FRMD4A: variants seen among roughly 807,000 people sequenced by gnomAD.
The protein encoded by FRMD4A is FERM domain-containing protein 4A.
In FRMD4A, 29 loss-of-function variants were observed where a neutral mutation model predicts 129.1. The observed-to-expected ratio is 0.22, with a 90% CI of 0.17 to 0.31. The LOEUF (loss-of-function observed/expected upper bound fraction) is 0.31, where lower values mean the gene tolerates loss of function less well. Among genes scored for constraint, FRMD4A ranks in the 10% least tolerant of loss-of-function variants. The pLI, the probability that FRMD4A is intolerant of heterozygous loss-of-function variation, is 1.00. For missense variants in FRMD4A, 1,272 were observed against 1,375.8 expected (o/e 0.92, Z 1.19); for synonymous variants, 634 against 571.6 (o/e 1.11, Z -1.56).
intron 3 of FRMD4A, among the ~76,000 whole-genome samples, chr10:13,824,702 G>A (rs544976819): frequency 2.5e-4 from 38 of 151,936 alleles, no homozygotes; most frequent in African/African-American, 8.2e-4. Context: ...AGACCAGCCT[G>A]ACCAAAATGG....
chr10:13,797,994 T>C (rs1020872505), intron 4 of FRMD4A, among the ~76,000 whole-genome samples: 1 of 152,110 alleles, frequency 6.6e-6, no homozygotes, highest in African/African-American at 2.4e-5. Flanking sequence ...TGCCTTAGAA[T>C]AGTGACCACC....
chr10:13,783,541 C>CACCT (rs2092785981), intron 5 of FRMD4A, among the ~76,000 whole-genome samples: 1 of 68,714 alleles, frequency 1.5e-5, no homozygotes, highest in Non-Finnish European at 3.0e-5. Context: ...CATACCACCA[C>CACCT]GCCTAATTTT....
chr10:13,936,439 C>A (rs2095249776), intron 2 of FRMD4A, among the ~76,000 whole-genome samples: 1 of 152,140 alleles, frequency 6.6e-6, no homozygotes. Context: ...ATATTGGAAT[C>A]CTCAATCCCA....
chr10:14,015,792 T>C (rs534091656), intron 2 of FRMD4A, among the ~76,000 whole-genome samples: 1 of 152,372 alleles, frequency 6.6e-6, no homozygotes, highest in African/African-American at 2.4e-5. Flanking sequence ...CATATTCTAT[T>C]ACAGGCACTA....
intron 16 of FRMD4A, among the ~76,000 whole-genome samples, chr10:13,672,758 G>C (rs187200580): frequency 1.3e-5 from 2 of 151,988 alleles, no homozygotes; most frequent in African/African-American, 2.4e-5. Context: ...CAAGCAGCGC[G>C]TCTTGATACT....
intron 2 of FRMD4A, among the ~76,000 whole-genome samples, chr10:14,145,478 C>A (rs1281546353): frequency 6.6e-6 from 1 of 152,156 alleles, no homozygotes; most frequent in Non-Finnish European, 1.5e-5. Flanking sequence ...AGAAGATAGA[C>A]CCAGGCTGGG....
intron 2 of FRMD4A, among the ~76,000 whole-genome samples, chr10:13,983,023 C>T (rs1355900743): frequency 6.6e-6 from 1 of 152,016 alleles, no homozygotes; most frequent in Admixed American, 6.6e-5. Context: ...GGGAAGATCT[C>T]GGCTCACTGC....
Position 14,055,440 on chromosome 10 carries a change from CACACACACACACACACACACAA to C in FRMD4A, c.46-196550_46-196529del, listed in dbSNP as rs1214369441. 6.4e-3 allele frequency among the ~76,000 whole-genome samples: 733 copies of C among 115,064 alleles called. 6 individuals are homozygous for C. Among genetic ancestry groups the C allele is most frequent in the African/African-American group, 0.018 (486 of 27,536 alleles). The allele number at this position is 115,064 out of a possible 152,430, so 75.5% of individuals were successfully genotyped here. On this transcript the variant is annotated intron_variant, in intron 2 of 24. Transcript: ENST00000357447. ...CTCTATCCCTATGCTGATCTAGCTA[CACACACACACACACACACACAA>C]ACACACACACACACACACACACACA...
intron 2 of FRMD4A, among the ~76,000 whole-genome samples, chr10:13,924,056 C>T (rs1309512525): frequency 6.6e-6 from 1 of 152,216 alleles, no homozygotes; most frequent in East Asian, 1.9e-4. Context: ...TGCAATTCAG[C>T]TGCGCATCTA....
At chr10:13,925,050 C>G (rs186623991) in intron 2 of FRMD4A, among the ~76,000 whole-genome samples, 1 of 120,930 alleles carries the variant, frequency 8.3e-6, no homozygotes, top group East Asian at 2.6e-4. Context: ...GGTGACAGTG[C>G]GAGACTCCGT....
intron 2 of FRMD4A, among the ~76,000 whole-genome samples, chr10:14,107,958 G>T (rs1444055987): frequency 1.3e-5 from 2 of 152,166 alleles, no homozygotes; most frequent in African/African-American, 4.8e-5. Context: ...ATCCATCTTA[G>T]GGGCAGATTT....
intron 2 of FRMD4A, among the ~76,000 whole-genome samples, chr10:14,233,821 C>T (rs1843712543): frequency 6.6e-6 from 1 of 152,184 alleles, no homozygotes; most frequent in African/African-American, 2.4e-5. Context: ...TTCGCAATTT[C>T]AAGAGCTAAA....
At position 14,128,011 on chromosome 10, in the gene FRMD4A, TCTTCCTTC is replaced by T. The variant is rs1234412308; in HGVS notation, c.45+202039_45+202046del. On this transcript the variant is annotated intron_variant, in intron 2 of 24. Transcript: ENST00000357447. ...CTCTCTCTCTCTCTCTTTCTTTCTT[TCTTCCTTC>T]CTTCCTTCCTTCCTTCCTTTCTTTC... Among the ~76,000 whole-genome samples, 23 of 96,876 alleles carry T rather than the reference TCTTCCTTC, an allele frequency of 2.4e-4. 3 individuals are homozygous for T. Among genetic ancestry groups the T allele is most frequent in the Non-Finnish European group, 3.0e-4 (15 of 49,838 alleles). The allele number at this position is 96,876 out of a possible 152,430, so 63.6% of individuals were successfully genotyped here.
chr10:13,691,057 A>G (rs896396230), intron 15 of FRMD4A, among the ~76,000 whole-genome samples: 1 of 152,124 alleles, frequency 6.6e-6, no homozygotes, highest in African/African-American at 2.4e-5. Context: ...GCATCATCTT[A>G]GCTCACTGCA....
chr10:13,679,336 G>A (rs112774335), intron 15 of FRMD4A, among the ~76,000 whole-genome samples: 6,098 of 142,274 alleles, frequency 0.043, 446 homozygotes, highest in African/African-American at 0.15. Context: ...GCTGAGGCAG[G>A]GAATTGCTTG....
At chr10:13,884,785 C>T (rs2094598799) in intron 2 of FRMD4A, among the ~76,000 whole-genome samples, 1 of 152,180 alleles carries the variant, frequency 6.6e-6, no homozygotes, top group Admixed American at 6.5e-5. Context: ...CTGTTCCCAA[C>T]AAGGTAAGAA....
At chr10:13,991,316 G>A (rs1220059267) in intron 2 of FRMD4A, among the ~76,000 whole-genome samples, 2 of 152,220 alleles carry the variant, frequency 1.3e-5, no homozygotes, top group African/African-American at 4.8e-5. Flanking sequence ...CCTTATCCTT[G>A]TGAGTTTGGA....
At chr10:14,222,273 C>T (rs1327714156) in intron 2 of FRMD4A, among the ~76,000 whole-genome samples, 1 of 152,230 alleles carries the variant, frequency 6.6e-6, no homozygotes, top group Non-Finnish European at 1.5e-5. Flanking sequence ...TAATTATCAA[C>T]AAACCTCAGT....
chr10:13,754,678 G>T lies in FRMD4A; in HGVS notation c.465-6859C>A, dbSNP rs183921307. ...ACAAAAACTCTTCTTTGGGCTGTTA[G>T]GTGTGTTTCAAGTTTAACAGATCAA... On this transcript the variant is annotated intron_variant, in intron 8 of 24. Coordinates refer to ENST00000357447, the MANE Select transcript of FRMD4A (RefSeq NM_018027.5). Among the ~76,000 whole-genome samples, 551 of 151,906 alleles carry T rather than the reference G, an allele frequency of 3.6e-3. 2 individuals are homozygous for T. Among genetic ancestry groups the T allele is most frequent in the African/African-American group, 0.012 (483 of 41,418 alleles).
Sources: allele counts gnomAD v4.1 joint callset (sites outside exome capture counted in the v4.1 genomes callset), GRCh38; gene constraint gnomAD v4.1.1; transcripts MANE v1.5; gene names NCBI Gene and HGNC (gene_info 2026-07-23, HGNC 2026-07-21).